Variants in TRDN observed in about 807,000 individuals in gnomAD.
TRDN encodes triadin, also known as triadin in skeletal muscle.
In TRDN, 161 loss-of-function variants were observed where a neutral mutation model predicts 149.7. The ratio of observed to expected loss-of-function variants is 1.08; its 90% CI spans 0.95 to 1.23. The LOEUF (loss-of-function observed/expected upper bound fraction) is 1.23. Among genes scored for constraint, TRDN ranks in the 50% most tolerant of loss-of-function variants. The pLI is 0.00. For missense variants in TRDN, 896 were observed against 823.5 expected, an observed-to-expected ratio of 1.09 and a Z score of -1.08; for synonymous variants, 294 against 250.5, an observed-to-expected ratio of 1.17 and a Z score of -1.64.
chr6:123,400,169 A>G (rs865799514), intron 12 of TRDN, among the ~76,000 whole-genome samples: 5 of 144,142 alleles, frequency 3.5e-5, no homozygotes, highest in Non-Finnish European at 4.6e-5. Flanking sequence ...ATGTATGTGT[A>G]TATATATATA....
intron 38 of TRDN, among the ~76,000 whole-genome samples, chr6:123,228,980 T>G (rs1775492826): frequency 6.6e-6 from 1 of 151,894 alleles, no homozygotes; most frequent in African/African-American, 2.4e-5. Context: ...AATGAAGAGG[T>G]AAGCATAATA....
At chr6:123,491,042 G>A (rs947084801) in intron 9 of TRDN, among the ~76,000 whole-genome samples, 2 of 151,676 alleles carry the variant, frequency 1.3e-5, no homozygotes, top group African/African-American at 4.8e-5. Context: ...GGAGGCAGAG[G>A]TTGCAGTGAG....
intron 22 of TRDN, 24 bp from the exon 23 acceptor site, chr6:123,331,953 A>G: frequency 6.6e-7 from 1 of 1,518,326 alleles, no homozygotes; most frequent in Non-Finnish European, 8.9e-7. Flanking sequence ...TCGGACATTT[A>G]TTTGAAGCCA....
chr6:123,557,832 T>G lies in TRDN; in HGVS notation c.233-9220A>C, dbSNP rs556479874. On this transcript the variant is annotated intron_variant, in intron 2 of 40. Coordinates refer to ENST00000334268, the MANE Select transcript of TRDN (RefSeq NM_006073.4). Reference sequence around the variant, plus strand: ...CCCCCACCCCTTCTCTCCATGTCTCTACCCTCTCTTTTCTCTGGACTTAGC... The same window carrying G: ...CCCCCACCCCTTCTCTCCATGTCTCGACCCTCTCTTTTCTCTGGACTTAGC... Among the ~76,000 whole-genome samples, 4 of 150,006 alleles carry G rather than the reference T, an allele frequency of 2.7e-5. No individual in the cohort carries two copies. In the East Asian group the frequency reaches 8.1e-4, roughly 30 times the overall value.
chr6:123,458,624 AATAG>A (rs1325464707), intron 10 of TRDN, among the ~76,000 whole-genome samples: 6 of 152,182 alleles, frequency 3.9e-5, no homozygotes, highest in Non-Finnish European at 7.3e-5. Context: ...TTTCTCAATA[AATAG>A]ATAGAGAGAT....
intron 13 of TRDN, 122 bp downstream of exon 13, chr6:123,393,502 A>AT (rs200867087): frequency 2.5e-4 from 210 of 835,748 alleles, no homozygotes; most frequent in African/African-American, 2.5e-3. Context: ...ATTCAACAAT[A>AT]TTTTTTTTGC....
chr6:123,291,258 G>A (rs1451185269), intron 24 of TRDN, among the ~76,000 whole-genome samples: 1 of 151,980 alleles, frequency 6.6e-6, no homozygotes, highest in Non-Finnish European at 1.5e-5. Flanking sequence ...TAACATGACT[G>A]GTTATTTAAG....
chr6:123,362,102 AG>A (rs1267540943), intron 20 of TRDN, among the ~76,000 whole-genome samples: 2 of 152,268 alleles, frequency 1.3e-5, no homozygotes, highest in East Asian at 3.9e-4. Flanking sequence ...TCTGGCAGCC[AG>A]TCTGAAGAAC....
At chr6:123,281,085 C>T (rs1372216129) in intron 24 of TRDN, among the ~76,000 whole-genome samples, 1 of 151,874 alleles carries the variant, frequency 6.6e-6, no homozygotes, top group East Asian at 1.9e-4. Flanking sequence ...GTTTCTTTGA[C>T]TTGGGTTGCA....
chr6:123,272,866 G>A, intron 29 of TRDN, 98 bp downstream of exon 29: 3 of 895,996 alleles, frequency 3.3e-6, no homozygotes, highest in East Asian at 2.9e-5. Flanking sequence ...GACATGAATT[G>A]TCCCAAATAA....
chr6:123,259,999 G>C (rs533726279), intron 34 of TRDN, among the ~76,000 whole-genome samples: 39 of 149,334 alleles, frequency 2.6e-4, no homozygotes, highest in Admixed American at 1.5e-3. Context: ...TTTTGAGATA[G>C]GGTCTTTCTA....
chr6:123,352,673 G>A, intron 20 of TRDN, 87 bp from the exon 21 acceptor site: 2 of 1,483,874 alleles, frequency 1.3e-6, no homozygotes, highest in Non-Finnish European at 9.0e-7. Flanking sequence ...TTCTTTCAAT[G>A]CTAAATCTTT....
intron 20 of TRDN, among the ~76,000 whole-genome samples, chr6:123,356,518 T>TATATATATATACATATATATATAC (rs1562275951): frequency 1.1e-4 from 2 of 17,698 alleles, no homozygotes; most frequent in African/African-American, 3.4e-4. Context: ...TATATATATA[T>TATATATATATACATATATATATAC]ATATATATAT....
chr6:123,632,250 T>C (rs1050490787), intron 1 of TRDN, among the ~76,000 whole-genome samples: 1 of 152,046 alleles, frequency 6.6e-6, no homozygotes, highest in African/African-American at 2.4e-5. Flanking sequence ...ATATTCCTCA[T>C]CCCTCTATTT....
At chr6:123,559,954 T>C (rs573719336) in intron 2 of TRDN, among the ~76,000 whole-genome samples, 2 of 152,260 alleles carry the variant, frequency 1.3e-5, no homozygotes, top group South Asian at 4.1e-4. Context: ...CTGACACCCA[T>C]CAGGCTCAGC....
chr6:123,217,793 AG>A lies in TRDN; in HGVS notation c.*807del, dbSNP rs1417164978. The A allele has an allele frequency of 1.3e-5, 2 of 152,024 alleles. No homozygotes were observed. Among genetic ancestry groups the A allele is most frequent in the African/African-American group, 4.8e-5 (2 of 41,440 alleles). The allele number at this position is 152,024 out of a possible 1,614,324, so 9.4% of individuals were successfully genotyped here. A position where few individuals can be genotyped will look rare whatever the true frequency, so the allele number is the denominator to read the frequency against. On this transcript the variant is annotated 3_prime_UTR_variant, in exon 41 of 41. Coordinates refer to ENST00000334268, the MANE Select transcript of TRDN (RefSeq NM_006073.4). ...TAGTGATTGATCTAAAATTTCACCC[AG>A]GTGACATTTTTATTAAGACACAGTC...
At chr6:123,293,845 C>T (rs572774150) in intron 24 of TRDN, among the ~76,000 whole-genome samples, 3 of 152,228 alleles carry the variant, frequency 2.0e-5, no homozygotes, top group Non-Finnish European at 2.9e-5. Flanking sequence ...CATTGGCCAG[C>T]GTTGTCCCCC....
chr6:123,540,719 C>T (rs1320993121), intron 4 of TRDN, among the ~76,000 whole-genome samples: 3 of 152,062 alleles, frequency 2.0e-5, no homozygotes, highest in South Asian at 2.1e-4. Flanking sequence ...GGTGTTTCAC[C>T]TTGTTAGCCA....
intron 9 of TRDN, among the ~76,000 whole-genome samples, chr6:123,492,364 C>G (rs1778257803): frequency 6.6e-6 from 1 of 152,156 alleles, no homozygotes; most frequent in African/African-American, 2.4e-5. Flanking sequence ...CACAAGCACA[C>G]TAGCCCTGGT....
Sources: allele counts gnomAD v4.1 joint callset (sites outside exome capture counted in the v4.1 genomes callset), GRCh38; gene constraint gnomAD v4.1.1; transcripts MANE v1.5; gene names NCBI Gene and HGNC (gene_info 2026-07-23, HGNC 2026-07-21).